The following SOX5 variants were observed in gnomAD, a reference collection of about 807,000 sequenced individuals.
SOX5 encodes the protein SRY-box transcription factor 5.
SOX5 carries 9 observed loss-of-function variants against 92.0 expected under a neutral mutation model. The observed-to-expected ratio is 0.10, with a 90% confidence interval of 0.06 to 0.17. The LOEUF is 0.17. Ranked by LOEUF, SOX5 falls within the 10% of genes least tolerant of loss-of-function variation. The pLI is 1.00. For synonymous variants in SOX5, 344 were observed against 336.3 expected, an observed-to-expected ratio of 1.02 and a Z score of -0.25; for missense variants, 642 against 944.5, an observed-to-expected ratio of 0.68 and a Z score of 4.20.
At chr12:24,545,849 T>C (rs576372585) in intron 1 of SOX5, among the ~76,000 whole-genome samples, 1 of 152,304 alleles carries the variant, frequency 6.6e-6, no homozygotes, top group South Asian at 2.1e-4. Flanking sequence ...TATAAAGGCC[T>C]GGCTCTGGGT....
Position 23,563,478 on chromosome 12 carries a change from C to T in SOX5, c.1343-75G>A. 4 of 1,378,416 alleles carry T rather than the reference C, an allele frequency of 2.9e-6. No homozygotes were observed. In the South Asian group the frequency reaches 5.2e-5, roughly 18 times the overall value. The allele number at this position is 1,378,416 out of a possible 1,614,324, so 85.4% of individuals were successfully genotyped here. ...GGCTAGCGTTTAACCATAAAAATCA[C>T]TTTTCTTGGTAATAGGTAGTGTCTG... On this transcript the variant is annotated intron_variant, in intron 10 of 14. Transcript: ENST00000451604.
At position 23,558,496 on chromosome 12, in the gene SOX5, G is replaced by A. The variant is rs191051360; in HGVS notation, c.1488+4762C>T. Among the ~76,000 whole-genome samples, 36 of 152,290 alleles carry A rather than the reference G, an allele frequency of 2.4e-4. 1 individual carries two copies. In the East Asian group the frequency reaches 6.4e-3, roughly 27 times the overall value. ...TGCAGCAACCATTTTGTGACCCAAA[G>A]GGAAAAGACAAGAGAATCACAGATT... On this transcript the variant is annotated intron_variant, in intron 11 of 14. Coordinates refer to ENST00000451604, the MANE Select transcript of SOX5 (RefSeq NM_006940.6).
At chr12:24,026,980 C>T (rs1459594611) in intron 4 of SOX5, among the ~76,000 whole-genome samples, 2 of 152,016 alleles carry the variant, frequency 1.3e-5, no homozygotes, top group Non-Finnish European at 2.9e-5. Context: ...AGTCCCTTTG[C>T]CTAACATGGA....
At chr12:23,591,551 A>G (rs1445177239) in intron 9 of SOX5, among the ~76,000 whole-genome samples, 1 of 152,134 alleles carries the variant, frequency 6.6e-6, no homozygotes, top group Non-Finnish European at 1.5e-5. Flanking sequence ...AACAAACACA[A>G]ATTACCTAGA....
chr12:23,731,823 G>T (rs536194097), intron 6 of SOX5, among the ~76,000 whole-genome samples: 1 of 152,064 alleles, frequency 6.6e-6, no homozygotes, highest in Non-Finnish European at 1.5e-5. Context: ...ACTATAAAAC[G>T]CTACAGTCTA....
intron 11 of SOX5, among the ~76,000 whole-genome samples, chr12:23,547,231 C>G (rs1326974627): frequency 6.6e-6 from 1 of 152,034 alleles, no homozygotes; most frequent in Non-Finnish European, 1.5e-5. Context: ...ACTTTAGGAA[C>G]AGAAAAAGCA....
chr12:23,584,492 T>C (rs1950448145), intron 9 of SOX5: 2 of 1,247,102 alleles, frequency 1.6e-6, no homozygotes, highest in South Asian at 1.2e-5. Context: ...GCATAAGTCA[T>C]TTATTACGAG....
At chr12:23,740,611 A>G (rs1333792357) in intron 5 of SOX5, among the ~76,000 whole-genome samples, 1 of 152,058 alleles carries the variant, frequency 6.6e-6, no homozygotes, top group African/African-American at 2.4e-5. Flanking sequence ...TATTTTTCTC[A>G]TGATTTATCA....
At chr12:24,346,641 C>T (rs1163943863) in intron 2 of SOX5, among the ~76,000 whole-genome samples, 1 of 151,950 alleles carries the variant, frequency 6.6e-6, no homozygotes, top group South Asian at 2.1e-4. Context: ...TTAGTAGAGA[C>T]GGGGCTTCAC....
Position 23,807,646 on chromosome 12 carries a change from T to A in SOX5, c.481+38337A>T, listed in dbSNP as rs577426541. 9.6e-3 allele frequency among the ~76,000 whole-genome samples: 1,448 copies of A among 151,328 alleles called. 29 individuals are homozygous for A. Among genetic ancestry groups the A allele is most frequent in the African/African-American group, 0.034 (1,396 of 41,244 alleles). Reference sequence around the variant, plus strand: ...CTGTGAAAGAACAGAAATTCCATTTTTTTTTTTTTTTTGAGACAGAGTTTT... The same window carrying A: ...CTGTGAAAGAACAGAAATTCCATTTATTTTTTTTTTTTGAGACAGAGTTTT... On this transcript the variant is annotated intron_variant, in intron 3 of 14. Coordinates refer to ENST00000451604, the MANE Select transcript of SOX5 (RefSeq NM_006940.6).
intron 2 of SOX5, among the ~76,000 whole-genome samples, chr12:23,858,813 T>C (rs1337626626): frequency 6.6e-6 from 1 of 152,208 alleles, no homozygotes; most frequent in African/African-American, 2.4e-5. Flanking sequence ...GCTGAAGCCA[T>C]GGCAGAAGAA....
chr12:24,365,489 A>G (rs776322662), intron 2 of SOX5, among the ~76,000 whole-genome samples: 1 of 151,914 alleles, frequency 6.6e-6, no homozygotes, highest in Non-Finnish European at 1.5e-5. Context: ...ATGTTTTCCT[A>G]TGATTGACCT....
intron 2 of SOX5, among the ~76,000 whole-genome samples, chr12:24,280,578 C>A (rs1419457803): frequency 6.6e-6 from 1 of 151,984 alleles, no homozygotes; most frequent in African/African-American, 2.4e-5. Flanking sequence ...CATACCAAAG[C>A]ACTACTAGCC....
intron 3 of SOX5, among the ~76,000 whole-genome samples, chr12:24,242,861 A>C (rs1937730700): frequency 6.6e-6 from 1 of 152,024 alleles, no homozygotes; most frequent in Non-Finnish European, 1.5e-5. Flanking sequence ...TACTTCTAGT[A>C]ATTTATCTTA....
intron 2 of SOX5, among the ~76,000 whole-genome samples, chr12:24,356,676 C>T (rs1297101516): frequency 1.3e-5 from 2 of 152,114 alleles, no homozygotes; most frequent in Non-Finnish European, 2.9e-5. Context: ...TCAGTTCCTA[C>T]CAGAAGAATA....
Position 23,543,226 on chromosome 12 carries a change from T to C in SOX5, c.1756A>G (p.Ile586Val). The change falls in exon 13 of 15, where the codon ATC becomes GTC. Residue 586 changes from isoleucine to valine, a missense_variant. Physicochemically the swap from Ile to Val is conservative, Grantham distance 29 (BLOSUM62 3). Coordinates refer to ENST00000451604, the MANE Select transcript of SOX5 (RefSeq NM_006940.6). ...QAFPDMHNSN[I>V]SKILGSRWKA... ...GTTTTCTTACCCAATATCTTGCTGA[T>C]GTTGGAGTTGTGCATGTCAGGAAAG... 1 of 1,613,482 alleles carries C rather than the reference T, an allele frequency of 6.2e-7. No homozygotes were observed. The highest frequency in any genetic ancestry group is 8.5e-7 in the Non-Finnish European group (1 of 1,179,498).
In SOX5 at chr12:23,531,756, A is replaced by G. The variant is rs551348137; in HGVS notation, c.*2463T>C. The G allele has an allele frequency of 6.6e-6, 1 of 152,250 alleles. No individual in the cohort carries two copies. Among genetic ancestry groups the G allele is most frequent in the East Asian group, 1.9e-4 (1 of 5,180 alleles). 9.4% of individuals were successfully genotyped at this position (152,250 alleles called of 1,614,324 possible). A position where few individuals can be genotyped will look rare whatever the true frequency, so the allele number is the denominator to read the frequency against. ...AATTAAATAACTAAAATGAGTGATG[A>G]GAGCATAAGTTAATTAAGATTGAAC... is the stretch of plus-strand genomic sequence containing the variant. On this transcript the variant is annotated 3_prime_UTR_variant, in exon 15 of 15. Coordinates refer to ENST00000451604, the MANE Select transcript of SOX5 (RefSeq NM_006940.6).
chr12:23,582,174 T>A (rs1370081611), intron 9 of SOX5: 2 of 985,196 alleles, frequency 2.0e-6, no homozygotes, highest in African/African-American at 3.5e-5. Context: ...CCCTAGCTTG[T>A]GTGCAGCACT....
At chr12:24,429,358 A>C (rs1566141463) in intron 1 of SOX5, among the ~76,000 whole-genome samples, 1 of 151,414 alleles carries the variant, frequency 6.6e-6, no homozygotes, top group African/African-American at 2.4e-5. Flanking sequence ...AAACAACAAC[A>C]AAAAAAAGGT....
Sources: gnomAD v4.1 joint callset for allele counts (sites outside exome capture counted in the v4.1 genomes callset) on GRCh38, gnomAD v4.1.1 for gene constraint, MANE v1.5 for transcripts, NCBI Gene and HGNC (gene_info 2026-07-23, HGNC 2026-07-21) for gene names.